BICD1: variants seen among roughly 807,000 people sequenced by gnomAD.
The protein encoded by BICD1 is BICD cargo adaptor 1.
Under a neutral mutation model 92.5 loss-of-function variants are expected in BICD1, and 35 were observed. That is an observed-to-expected ratio of 0.38 (90% CI 0.29 to 0.50). BICD1 has a LOEUF of 0.50. BICD1 is among the 20% of genes least tolerant of loss of function. The pLI is 0.93. For synonymous variants in BICD1, 429 were observed against 465.1 expected, an observed-to-expected ratio of 0.92 and a Z score of 1.00; for missense variants, 950 against 1,189.8, an observed-to-expected ratio of 0.80 and a Z score of 2.97.
chr12:32,234,671 C>CT (rs112868471), intron 2 of BICD1, among the ~76,000 whole-genome samples: 8,738 of 120,706 alleles, frequency 0.072, 467 homozygotes, highest in East Asian at 0.14. Context: ...TTTTTTCTTT[C>CT]TTTTTTTTTT....
intron 8 of BICD1, among the ~76,000 whole-genome samples, chr12:32,346,620 A>G (rs1414160522): frequency 5.4e-5 from 1 of 18,432 alleles, no homozygotes; most frequent in Non-Finnish European, 8.7e-5. Flanking sequence ...ATACGTGTAT[A>G]TATATATATA....
At chr12:32,343,648 C>T (rs1394726856) in intron 8 of BICD1, among the ~76,000 whole-genome samples, 1 of 152,158 alleles carries the variant, frequency 6.6e-6, no homozygotes, top group Non-Finnish European at 1.5e-5. Context: ...TCTCCTCCTT[C>T]CTTCTGTTCC....
intron 1 of BICD1, among the ~76,000 whole-genome samples, chr12:32,198,546 C>CT (rs113075749): frequency 0.45 from 60,034 of 134,336 alleles, 14,644 homozygotes; most frequent in African/African-American, 0.64. Context: ...TATCCCCACT[C>CT]TTTTTTTTTT....
At chr12:32,250,015 T>C in intron 2 of BICD1, among the ~76,000 whole-genome samples, 1 of 151,662 alleles carries the variant, frequency 6.6e-6, no homozygotes, top group Non-Finnish European at 1.5e-5. Context: ...GAGGCTGAAC[T>C]GTTGGAATGA....
chr12:32,179,049 G>A (rs1944199365), intron 1 of BICD1, among the ~76,000 whole-genome samples: 1 of 151,968 alleles, frequency 6.6e-6, no homozygotes, highest in South Asian at 2.1e-4. Flanking sequence ...CGATAGGACA[G>A]GTTTTGGATA....
intron 2 of BICD1, chr12:32,228,152 G>A (rs897964232): frequency 2.3e-4 from 39 of 171,422 alleles, no homozygotes; most frequent in African/African-American, 8.2e-4. Context: ...TGTTGAGCAC[G>A]ATAGTCTCTT....
chr12:32,281,221 G>A (rs982673261), intron 2 of BICD1, among the ~76,000 whole-genome samples: 3 of 151,510 alleles, frequency 2.0e-5, no homozygotes, highest in Admixed American at 2.0e-4. Context: ...TTTTCTTCCC[G>A]AACATGTTTG....
rs565751936 is a variant in BICD1 at position 32,223,539 on chromosome 12, A to G, written c.426+7080A>G. On this transcript the variant is annotated intron_variant, in intron 2 of 9. Transcript: ENST00000652176. ...CTCAAAAAAAAAAAAAAAAAAAAGA[A>G]TCAAAGAGAGCCCTTGCTCTGGATT... 1.1e-4 allele frequency among the ~76,000 whole-genome samples: 16 copies of G among 151,056 alleles called. No homozygotes were observed. In the South Asian group the frequency reaches 3.3e-3, roughly 32 times the overall value.
At chr12:32,271,387 T>G (rs528632192) in intron 2 of BICD1, among the ~76,000 whole-genome samples, 1 of 152,294 alleles carries the variant, frequency 6.6e-6, no homozygotes, top group African/African-American at 2.4e-5. Context: ...CTGAAGAAGG[T>G]TGACTGGGAG....
rs141563738 is a variant in BICD1 at position 32,204,463 on chromosome 12, C to T, written c.214-11784C>T. On this transcript the variant is annotated intron_variant, in intron 1 of 9. Coordinates refer to ENST00000652176, the MANE Select transcript of BICD1 (RefSeq NM_001714.4). ...CCAGGTGATACTGTTTCACACTCTCCGGGGCGGCCAAAATTTTTAAGTCTT... is the reference window on the plus strand; with the variant it reads ...CCAGGTGATACTGTTTCACACTCTCTGGGGCGGCCAAAATTTTTAAGTCTT... Among the ~76,000 whole-genome samples the T allele has an allele frequency of 4.4e-3, 672 of 152,122 alleles. 2 individuals are homozygous for T. Among genetic ancestry groups the T allele is most frequent in the Admixed American group, 0.011 (162 of 15,276 alleles).
At chr12:32,122,421 G>A (rs1235375517) in intron 1 of BICD1, among the ~76,000 whole-genome samples, 4 of 151,472 alleles carry the variant, frequency 2.6e-5, no homozygotes, top group East Asian at 1.9e-4. Flanking sequence ...CCTGGGAGGC[G>A]GAGCTTGCAG....
chr12:32,172,130 T>C (rs1437703870), intron 1 of BICD1, among the ~76,000 whole-genome samples: 5 of 152,172 alleles, frequency 3.3e-5, no homozygotes, highest in African/African-American at 1.2e-4. Flanking sequence ...CACATTGCTG[T>C]CTGGCTTGTA....
At chr12:32,310,953 G>A (rs1948357662) in intron 4 of BICD1, among the ~76,000 whole-genome samples, 1 of 152,000 alleles carries the variant, frequency 6.6e-6, no homozygotes. Context: ...CTCAATGTAT[G>A]CCCATGATTT....
intron 3 of BICD1, among the ~76,000 whole-genome samples, chr12:32,295,284 T>C (rs1386635553): frequency 2.0e-5 from 3 of 152,202 alleles, no homozygotes; most frequent in African/African-American, 7.2e-5. Context: ...AATTTATTTA[T>C]GAATACAGTT....
intron 1 of BICD1, among the ~76,000 whole-genome samples, chr12:32,133,661 TTC>T (rs1203369025): frequency 6.6e-6 from 1 of 152,216 alleles, no homozygotes; most frequent in African/African-American, 2.4e-5. Flanking sequence ...ATTTCTTAGT[TTC>T]TGTTATAAAG....
chr12:32,339,862 A>G (rs993218791), intron 8 of BICD1: 1 of 962,172 alleles, frequency 1.0e-6, no homozygotes, highest in African/African-American at 1.8e-5. Context: ...TATGAACATC[A>G]GTATTTCTGG....
intron 1 of BICD1, among the ~76,000 whole-genome samples, chr12:32,131,734 A>G (rs529814786): frequency 6.4e-4 from 97 of 152,330 alleles, no homozygotes; most frequent in Middle Eastern, 3.4e-3. Context: ...AATAAGAAAA[A>G]TTATGGAGAC....
At chr12:32,302,668 C>T (rs1259370953) in intron 3 of BICD1, among the ~76,000 whole-genome samples, 2 of 152,086 alleles carry the variant, frequency 1.3e-5, no homozygotes, top group African/African-American at 4.8e-5. Context: ...ATATGTAACC[C>T]AGAAACTCCT....
At chr12:32,304,603 A>G (rs910976448) in intron 3 of BICD1, among the ~76,000 whole-genome samples, 51 of 152,204 alleles carry the variant, frequency 3.4e-4, no homozygotes, top group African/African-American at 1.1e-3. Context: ...AGTGCCATGG[A>G]AAGGATCCCA....
Sources: allele counts gnomAD v4.1 joint callset (sites outside exome capture counted in the v4.1 genomes callset), GRCh38; gene constraint gnomAD v4.1.1; transcripts MANE v1.5; gene names NCBI Gene and HGNC (gene_info 2026-07-23, HGNC 2026-07-21).